Variants in TLN2 observed in about 807,000 individuals in gnomAD.
TLN2 encodes the protein talin-2.
In TLN2, 118 loss-of-function variants were observed where a neutral mutation model predicts 294.7. That is an observed-to-expected ratio of 0.40 (90% confidence interval 0.34 to 0.47). The LOEUF (loss-of-function observed/expected upper bound fraction) is 0.47, where lower values mean the gene tolerates loss of function less well. Among genes scored for constraint, TLN2 ranks in the 20% least tolerant of loss-of-function variants. The probability of loss-of-function intolerance (pLI) is 0.84; values close to 1 mark genes in which losing one functional copy is unlikely to be tolerated. For synonymous variants in TLN2, 1,431 were observed against 1,304.5 expected, an observed-to-expected ratio of 1.10 and a Z score of -2.09; for missense variants, 3,083 against 3,282.2, an observed-to-expected ratio of 0.94 and a Z score of 1.48.
In TLN2 at chr15:62,771,023, C is replaced by G. The variant is rs1467567478; in HGVS notation, c.5256C>G (p.Ser1752=). ...PLILAAVGVA[S]KILDHQQQMT... ...TCTTAGCCGCAGTTGGTGTGGCCTC[C>G]AAGATTCTTGATCATCAGCAGCAGA... Residue 1752 remains serine, a synonymous_variant, in exon 42 of 59, where the codon TCC becomes TCG. Transcript: ENST00000636159. 7 of 1,613,596 alleles carry G rather than the reference C, an allele frequency of 4.3e-6. No homozygotes were observed. The highest frequency in any genetic ancestry group is 5.9e-6 in the Non-Finnish European group (7 of 1,179,972).
At chr15:62,493,987 G>A (rs1347245229) in intron 1 of TLN2, among the ~76,000 whole-genome samples, 1 of 152,006 alleles carries the variant, frequency 6.6e-6, no homozygotes, top group South Asian at 2.1e-4. Flanking sequence ...GTTTTTTTTA[G>A]ATCTGTCAAA....
chr15:62,504,387 G>T (rs896158448), intron 1 of TLN2, among the ~76,000 whole-genome samples: 1 of 152,188 alleles, frequency 6.6e-6, no homozygotes, highest in Non-Finnish European at 1.5e-5. Flanking sequence ...TTTTGGAAAA[G>T]AACATAGTTG....
intron 19 of TLN2, among the ~76,000 whole-genome samples, chr15:62,705,270 T>G (rs1415614526): frequency 6.6e-6 from 1 of 152,244 alleles, no homozygotes; most frequent in Non-Finnish European, 1.5e-5. Context: ...AAGGTGATCC[T>G]GCAACCTCCT....
chr15:62,720,249 C>T (rs1353597952), intron 25 of TLN2, among the ~76,000 whole-genome samples: 2 of 152,096 alleles, frequency 1.3e-5, no homozygotes, highest in African/African-American at 4.8e-5. Flanking sequence ...TGTTCATGGA[C>T]CGGGAAAAGA....
intron 32 of TLN2, among the ~76,000 whole-genome samples, chr15:62,745,097 G>A (rs2061543001): frequency 6.6e-6 from 1 of 152,122 alleles, no homozygotes; most frequent in Non-Finnish European, 1.5e-5. Flanking sequence ...AAAACTTCCA[G>A]CCAGAGCTCT....
chr15:62,549,838 G>A (rs914683372), intron 1 of TLN2, among the ~76,000 whole-genome samples: 4 of 152,142 alleles, frequency 2.6e-5, no homozygotes, highest in African/African-American at 9.7e-5. Context: ...CCACAATGAT[G>A]TCATTTCCAG....
intron 28 of TLN2, among the ~76,000 whole-genome samples, chr15:62,733,550 A>G (rs971620931): frequency 7.2e-5 from 11 of 152,210 alleles, no homozygotes; most frequent in African/African-American, 2.4e-4. Flanking sequence ...AACCCTTTGT[A>G]AATACTTTGG....
chr15:62,498,666 C>A (rs1167705312), intron 1 of TLN2, among the ~76,000 whole-genome samples: 2 of 152,118 alleles, frequency 1.3e-5, no homozygotes, highest in Non-Finnish European at 2.9e-5. Flanking sequence ...AAGTGAGGTA[C>A]ATCCACGTAT....
intron 2 of TLN2, among the ~76,000 whole-genome samples, chr15:62,607,228 A>G (rs779012468): frequency 5.9e-5 from 9 of 152,178 alleles, no homozygotes; most frequent in Non-Finnish European, 8.8e-5. Context: ...CTTCATGCTT[A>G]ATAGGCATCA....
intron 48 of TLN2, among the ~76,000 whole-genome samples, chr15:62,800,012 C>A (rs906912718): frequency 6.6e-6 from 1 of 152,190 alleles, no homozygotes; most frequent in Non-Finnish European, 1.5e-5. Flanking sequence ...GATTTTTACT[C>A]AGTGTTCAGG....
At chr15:62,408,091 T>C (rs1286799043) in intron 1 of TLN2, among the ~76,000 whole-genome samples, 1 of 152,138 alleles carries the variant, frequency 6.6e-6, no homozygotes, top group Non-Finnish European at 1.5e-5. Context: ...ACCATGCTAA[T>C]TGTCCCTCCG....
At chr15:62,683,439 CT>C (rs1330488995) in intron 11 of TLN2, among the ~76,000 whole-genome samples, 3 of 150,794 alleles carry the variant, frequency 2.0e-5, no homozygotes, top group East Asian at 4.0e-4. Flanking sequence ...ATTCTCCCGC[CT>C]CTCATTGGTA....
chr15:62,649,912 C>A (rs1375246315), intron 4 of TLN2, 172 bp from the exon 5 acceptor site: 6 of 595,376 alleles, frequency 1.0e-5, no homozygotes, highest in Non-Finnish European at 1.8e-5. Flanking sequence ...AACTCTTACT[C>A]CTCCAGATCT....
intron 3 of TLN2, among the ~76,000 whole-genome samples, chr15:62,641,324 T>C (rs755394422): frequency 2.6e-5 from 4 of 152,108 alleles, no homozygotes; most frequent in East Asian, 1.9e-4. Flanking sequence ...TTAATAATAA[T>C]AACAAGCCCA....
At chr15:62,835,657 C>A (rs761203548) in intron 55 of TLN2, 80 bp from the exon 56 acceptor site, 1 of 1,536,238 alleles carries the variant, frequency 6.5e-7, no homozygotes, top group Non-Finnish European at 9.0e-7. Flanking sequence ...GTCTGGTTCC[C>A]GAGCAAGGTC....
Position 62,712,181 on chromosome 15 carries a change from T to A in TLN2, c.2634+104T>A, listed in dbSNP as rs926862746. ...ATGGTCATCCGAGTGTGCATTTTTGTTTGCTTAAAACCTATATGGCTTGTA... is the reference window on the plus strand; with the variant it reads ...ATGGTCATCCGAGTGTGCATTTTTGATTGCTTAAAACCTATATGGCTTGTA... On this transcript the variant is annotated intron_variant, in intron 22 of 58. Coordinates refer to ENST00000636159, the MANE Select transcript of TLN2 (RefSeq NM_015059.3). 9.8e-6 allele frequency: 14 copies of A among 1,430,038 alleles called. No individual in the cohort carries two copies. The African/African-American group carries it at 1.8e-4, about 19-fold the overall frequency. 88.6% of individuals were successfully genotyped at this position (1,430,038 alleles called of 1,614,324 possible). A position where few individuals can be genotyped will look rare whatever the true frequency, so the allele number is the denominator to read the frequency against.
At position 62,708,019 on chromosome 15, in the gene TLN2, A is replaced by G. The variant is rs150307857; in HGVS notation, c.2173-483A>G. 2.7e-4 allele frequency among the ~76,000 whole-genome samples: 41 copies of G among 152,098 alleles called. No homozygotes were observed. The East Asian group carries it at 6.6e-3, about 24-fold the overall frequency. On this transcript the variant is annotated intron_variant, in intron 20 of 58. Transcript: ENST00000636159. ...GCAGCATCGTCTCCCTCAAGCTTTC[A>G]TTGTCCACGCTGCTAGAATTTACAA... is the stretch of plus-strand genomic sequence containing the variant.
rs556408210 is a variant in TLN2 at position 62,493,455 on chromosome 15, T to C, written c.-237-96232T>C. ...CACTCATAAGGCCCTGTCCTCCCCT[T>C]GCTGTTGTATCATTACAATTGAGTA... On this transcript the variant is annotated intron_variant, in intron 1 of 58. Transcript: ENST00000636159. 5.7e-4 allele frequency among the ~76,000 whole-genome samples: 86 copies of C among 152,042 alleles called. 1 individual carries two copies. The highest frequency in any genetic ancestry group is 3.4e-3 in the Middle Eastern group (1 of 290).
intron 1 of TLN2, among the ~76,000 whole-genome samples, chr15:62,560,660 C>T (rs1367259406): frequency 1.3e-5 from 2 of 152,218 alleles, no homozygotes; most frequent in African/African-American, 4.8e-5. Flanking sequence ...TTTTTCTGTG[C>T]CTCCTGTCTT....
Sources: gnomAD v4.1 joint callset for allele counts (sites outside exome capture counted in the v4.1 genomes callset) on GRCh38, gnomAD v4.1.1 for gene constraint, MANE v1.5 for transcripts, NCBI Gene and HGNC (gene_info 2026-07-23, HGNC 2026-07-21) for gene names.